ATP6V0A1: variants seen among roughly 807,000 people sequenced by gnomAD.
ATP6V0A1 encodes V-type proton ATPase 116 kDa subunit a 1.
In ATP6V0A1, 43 loss-of-function variants were observed where a neutral mutation model predicts 105.4. The observed-to-expected ratio is 0.41, with a 90% CI of 0.32 to 0.53. ATP6V0A1 has a LOEUF of 0.53. Among genes scored for constraint, ATP6V0A1 ranks in the 20% least tolerant of loss-of-function variants. The pLI, the probability that ATP6V0A1 is intolerant of heterozygous loss-of-function variation, is 0.30. For synonymous variants in ATP6V0A1, 362 were observed against 372.8 expected, an observed-to-expected ratio of 0.97 and a Z score of 0.33; for missense variants, 676 against 1,051.1, an observed-to-expected ratio of 0.64 and a Z score of 4.93.
At chr17:42,478,644 CAG>C in intron 7 of ATP6V0A1, 55 bp downstream of exon 7, 1 of 1,489,640 alleles carries the variant, frequency 6.7e-7, no homozygotes, top group Non-Finnish European at 9.1e-7. Flanking sequence ...GAGCCCAGAG[CAG>C]TAACGTAGCA....
At chr17:42,511,786 A>G (rs1311660188) in intron 19 of ATP6V0A1, among the ~76,000 whole-genome samples, 1 of 152,096 alleles carries the variant, frequency 6.6e-6, no homozygotes, top group African/African-American at 2.4e-5. Flanking sequence ...CCTGGCCAAC[A>G]TGGTGAAATC....
chr17:42,460,846 A>G lies in ATP6V0A1; in HGVS notation c.-47-2A>G, dbSNP rs1379547889. 1 of 1,442,940 alleles carries G rather than the reference A, an allele frequency of 6.9e-7. No individual in the cohort carries two copies. The highest frequency in any genetic ancestry group is 9.7e-7 in the Non-Finnish European group (1 of 1,026,306). 89.4% of individuals were successfully genotyped at this position (1,442,940 alleles called of 1,614,324 possible). A position where few individuals can be genotyped will look rare whatever the true frequency, so the allele number is the denominator to read the frequency against. ...AGTTATGTCATTTTCTCTTTGCTTC[A>G]GGTTGGAGAGAAATCCAGGTACTCA... On this transcript the variant is annotated splice_acceptor_variant, in intron 1 of 21. Transcript: ENST00000343619. LOFTEE classifies it low-confidence loss of function (5UTR_SPLICE).
In ATP6V0A1 at chr17:42,508,546, A is replaced by T. The variant is rs758461278; in HGVS notation, c.2113-26A>T. 3 of 1,613,914 alleles carry T rather than the reference A, an allele frequency of 1.9e-6. No individual in the cohort carries two copies. The South Asian group carries it at 3.3e-5, about 18-fold the overall frequency. On this transcript the variant is annotated intron_variant, in intron 18 of 21. Transcript: ENST00000343619. ...GACCTTGTGTGTGGCGTGGCTCCCC[A>T]CTAAGTGTAAATTTGTGTTTTCAAG...
intron 7 of ATP6V0A1, 197 bp downstream of exon 7, chr17:42,478,786 T>C (rs997709569): frequency 1.7e-5 from 6 of 360,040 alleles, no homozygotes; most frequent in Admixed American, 1.0e-4. Flanking sequence ...GATGTATACA[T>C]GACATATACA....
chr17:42,496,549 AAAT>A (rs2091199501), intron 14 of ATP6V0A1: 2 of 152,108 alleles, frequency 1.3e-5, no homozygotes. Context: ...GGAAAAAAAA[AAAT>A]AATACAGGCT....
At chr17:42,495,977 C>T (rs1244056760) in intron 14 of ATP6V0A1, 2 of 284,948 alleles carry the variant, frequency 7.0e-6, no homozygotes, top group Non-Finnish European at 1.3e-5. Context: ...GAGACTGAGG[C>T]AGGAGAATCG....
chr17:42,520,128 G>A (rs778309352), intron 21 of ATP6V0A1: 38 of 261,308 alleles, frequency 1.5e-4, no homozygotes, highest in South Asian at 7.1e-4. Flanking sequence ...CCCCACGCCT[G>A]CCTGTTCTTA....
At chr17:42,465,533 A>G (rs2086940274) in intron 2 of ATP6V0A1, among the ~76,000 whole-genome samples, 2 of 150,288 alleles carry the variant, frequency 1.3e-5, no homozygotes, top group African/African-American at 4.9e-5. Flanking sequence ...CAGGTGATCC[A>G]CCCACCTTGG....
At chr17:42,510,978 C>T (rs1207259052) in intron 19 of ATP6V0A1, 1 of 152,026 alleles carries the variant, frequency 6.6e-6, no homozygotes, top group African/African-American at 2.4e-5. Context: ...GAGATTGACT[C>T]CCAGACTCTC....
In ATP6V0A1 at chr17:42,521,080, T is replaced by C. The variant is rs1422493950; in HGVS notation, c.2474T>C (p.Phe825Ser). The C allele has an allele frequency of 6.2e-7, 1 of 1,609,932 alleles. No individual in the cohort carries two copies. The highest frequency in any genetic ancestry group is 8.5e-7 in the Non-Finnish European group (1 of 1,178,162). ...GGGACCGGTTTCAAGTTCTTACCCT[T>C]CTCCTTCGAGCATATTCGGGAAGGG... ...YSGTGFKFLP[F>S]SFEHIREGKF... is the part of the protein sequence containing the mutation. The change falls in exon 22 of 22, where the codon TTC (phenylalanine) becomes TCC (serine). Residue 825 changes from phenylalanine (F) to serine (S), a missense_variant. Phe to Ser is a radical substitution (Grantham distance 155, BLOSUM62 -2). Around this residue, in one of 3 missense-constraint regions of ATP6V0A1, gnomAD observed 435 missense variants for 642.2 expected, o/e 0.68. Transcript: ENST00000343619. The surrounding 1 kb of genome is among the most constrained non-coding windows in gnomAD (Gnocchi z 4.8).
intron 9 of ATP6V0A1, among the ~76,000 whole-genome samples, chr17:42,485,308 C>G (rs1483130209): frequency 6.6e-6 from 1 of 152,146 alleles, no homozygotes; most frequent in African/African-American, 2.4e-5. Context: ...ATTCTGGGTT[C>G]TAAGGCTGTC....
chr17:42,480,578 T>C, intron 7 of ATP6V0A1, 89 bp from the exon 8 acceptor site: 1 of 1,260,390 alleles, frequency 7.9e-7, no homozygotes, highest in East Asian at 2.6e-5. Flanking sequence ...ATGCCTGTTG[T>C]TCTTGCATCA....
At chr17:42,495,558 A>G (rs2091076530) in intron 13 of ATP6V0A1, 68 bp from the exon 14 acceptor site, 4 of 1,227,654 alleles carry the variant, frequency 3.3e-6, no homozygotes, top group Non-Finnish European at 4.7e-6. Flanking sequence ...TTTTGGGGTC[A>G]GTTTCTGGAC....
intron 14 of ATP6V0A1, among the ~76,000 whole-genome samples, chr17:42,497,496 T>C (rs12451690): frequency 0.94 from 142,241 of 151,066 alleles, 67,581 homozygotes; most frequent in Non-Finnish European, 1. Flanking sequence ...GATGGTGAAA[T>C]CCCATCTCTA....
chr17:42,475,995 G>A (rs529475739), intron 5 of ATP6V0A1, among the ~76,000 whole-genome samples: 1 of 152,290 alleles, frequency 6.6e-6, no homozygotes, highest in Non-Finnish European at 1.5e-5. Flanking sequence ...AGACAGGCAG[G>A]CAAGTAGGAT....
intron 12 of ATP6V0A1, chr17:42,494,735 C>T (rs2090995484): frequency 4.3e-6 from 2 of 470,174 alleles, no homozygotes; most frequent in East Asian, 6.7e-5. Context: ...TAGTGAGACC[C>T]CATCTCTAAA....
chr17:42,495,144 T>C lies in ATP6V0A1; in HGVS notation c.1425T>C (p.Phe475=). 1.2e-6 allele frequency: 2 copies of C among 1,614,164 alleles called. No individual in the cohort carries two copies. The highest frequency in any genetic ancestry group is 1.7e-6 in the Non-Finnish European group (2 of 1,180,010). The change falls in exon 13 of 22, where the codon TTT becomes TTC. Residue 475 remains phenylalanine (F), a synonymous_variant. Coordinates refer to ENST00000343619, the MANE Select transcript of ATP6V0A1 (RefSeq NM_001130021.3). ...NDCFSKSLNI[F]GSSWSVRPMF... ...GCTTTTCCAAGTCTCTTAATATCTT[T>C]GGGTCATCCTGGAGTGTACGGCCGA...
chr17:42,467,820 A>G (rs1201837847), intron 3 of ATP6V0A1, among the ~76,000 whole-genome samples, 190 bp from the exon 4 acceptor site: 2 of 152,114 alleles, frequency 1.3e-5, no homozygotes, highest in Non-Finnish European at 2.9e-5. Context: ...GGAAGGAGAA[A>G]GAGGGATGGG....
intron 9 of ATP6V0A1, among the ~76,000 whole-genome samples, chr17:42,486,422 A>G (rs778138610): frequency 1.3e-5 from 2 of 152,088 alleles, no homozygotes; most frequent in Non-Finnish European, 2.9e-5. Flanking sequence ...AAAAAAAAAA[A>G]TTAAATATTT....
Sources: gnomAD v4.1 joint callset for allele counts (sites outside exome capture counted in the v4.1 genomes callset) on GRCh38, gnomAD v4.1.1 for gene constraint, gnomAD v4.1.1 regional missense constraint, Gnocchi (gnomAD v3.1) non-coding constraint, MANE v1.5 for transcripts, NCBI Gene and HGNC (gene_info 2026-07-23, HGNC 2026-07-21) for gene names.